WIZ: variants seen among roughly 807,000 people sequenced by gnomAD.
The protein encoded by WIZ is protein Wiz.
WIZ carries 25 observed loss-of-function variants against 140.2 expected under a neutral mutation model. The observed-to-expected ratio is 0.18, with a 90% CI of 0.13 to 0.25. The LOEUF (loss-of-function observed/expected upper bound fraction) is 0.25, where lower values mean the gene tolerates loss of function less well. Among genes scored for constraint, WIZ ranks in the 10% least tolerant of loss-of-function variants. The pLI, the probability that WIZ is intolerant of heterozygous loss-of-function variation, is 1.00. For missense variants in WIZ, 2,231 were observed against 2,632.6 expected (o/e 0.85, Z 3.34); for synonymous variants, 1,125 against 1,154.3 (o/e 0.97, Z 0.51).
rs111676428 is a variant in WIZ at position 15,433,696 on chromosome 19, A to G, written c.2741-2514T>C. Among the ~76,000 whole-genome samples the G allele has an allele frequency of 3.6e-3, 541 of 152,276 alleles. 2 individuals carry two copies. The highest frequency in any genetic ancestry group is 0.012 in the African/African-American group (513 of 41,546). Reference sequence around the variant, plus strand: ...GTCTCGCAGCCACCCCTGAGACACTACAAGCCAGACGTGGGTGAGCTGAGT... The same window carrying G: ...GTCTCGCAGCCACCCCTGAGACACTGCAAGCCAGACGTGGGTGAGCTGAGT... On this transcript the variant is annotated intron_variant, in intron 5 of 12. Coordinates refer to ENST00000673675, the MANE Select transcript of WIZ (RefSeq NM_001371589.1).
At chr19:15,432,807 C>T (rs1969357028) in intron 5 of WIZ, among the ~76,000 whole-genome samples, 1 of 151,700 alleles carries the variant, frequency 6.6e-6, no homozygotes, top group Non-Finnish European at 1.5e-5. Flanking sequence ...CGCCCCGCCC[C>T]TCAGGGCGCG....
In WIZ at chr19:15,422,989, GA is replaced by G. The variant is rs1478290175; in HGVS notation, c.*86del. 13 of 1,532,718 alleles carry G rather than the reference GA, an allele frequency of 8.5e-6. No individual in the cohort carries two copies. The East Asian group carries it at 2.8e-4, about 32-fold the overall frequency. 94.9% of individuals were successfully genotyped at this position (1,532,718 alleles called of 1,614,324 possible). ...GTTTTGGCTTGCTCCTTTGGAAACG[GA>G]AAGAAAGAGGAAGAGGGACAAGGAC... On this transcript the variant is annotated 3_prime_UTR_variant, in exon 13 of 13. Transcript: ENST00000673675.
In WIZ at chr19:15,442,589, C is replaced by G; in HGVS notation, c.278+87G>C. Reference sequence around the variant, plus strand: ...CCTCCTGATTCCCTCCTGTCCCCTTCTCATTCCCCAGGGGCTTATCTGAGG... The same window carrying G: ...CCTCCTGATTCCCTCCTGTCCCCTTGTCATTCCCCAGGGGCTTATCTGAGG... On this transcript the variant is annotated intron_variant, in intron 3 of 12. Transcript: ENST00000673675. This position sits in a 1 kb window ranked among gnomAD's most constrained non-coding sequence, Gnocchi z 5.5. 9.6e-7 allele frequency: 1 copy of G among 1,046,810 alleles called. No individual in the cohort carries two copies. The highest frequency in any genetic ancestry group is 1.2e-6 in the Non-Finnish European group (1 of 818,726). 64.8% of individuals were successfully genotyped at this position (1,046,810 alleles called of 1,614,324 possible). A position where few individuals can be genotyped will look rare whatever the true frequency, so the allele number is the denominator to read the frequency against.
Position 15,439,311 on chromosome 19 carries a change from G to T in WIZ, c.1683C>A (p.Phe561Leu), listed in dbSNP as rs569121760. ...CATGCAGGAGTGGCTTTGACAGCGG[G>T]AAATCTCTGATGCTCAGCTGCTGGC... ...PGCQQLSIRD[F>L]PLSKPLLHGT... Residue 561 changes from phenylalanine to leucine, a missense_variant, in exon 4 of 13, where the codon TTC becomes TTA. By Grantham distance (22) the Phe-to-Leu change is conservative (BLOSUM62 0). Coordinates refer to ENST00000673675, the MANE Select transcript of WIZ (RefSeq NM_001371589.1). The surrounding 1 kb of genome is among the most constrained non-coding windows in gnomAD (Gnocchi z 7.0). 6.5e-7 allele frequency: 1 copy of T among 1,535,674 alleles called. No homozygotes were observed. Among genetic ancestry groups the T allele is most frequent in the African/African-American group, 1.4e-5 (1 of 73,160 alleles).
At chr19:15,431,225 C>A in intron 5 of WIZ, 43 bp from the exon 6 acceptor site, 1 of 1,473,862 alleles carries the variant, frequency 6.8e-7, no homozygotes, top group South Asian at 1.3e-5. Context: ...AAATTTCAGG[C>A]TGTCTATACC....
chr19:15,426,957 T>C, intron 9 of WIZ, 25 bp downstream of exon 9: 5 of 1,583,242 alleles, frequency 3.2e-6, no homozygotes, highest in African/African-American at 1.3e-5. Flanking sequence ...CTGTTCTCCC[T>C]GCCCTACTGC....
intron 5 of WIZ, among the ~76,000 whole-genome samples, chr19:15,431,920 T>C (rs909547297): frequency 2.0e-5 from 3 of 152,202 alleles, no homozygotes; most frequent in African/African-American, 7.2e-5. Flanking sequence ...GGGAGGCCAG[T>C]TGAACTCCAA....
chr19:15,425,961 C>T (rs1215998140), intron 9 of WIZ, among the ~76,000 whole-genome samples, 193 bp from the exon 10 acceptor site: 2 of 150,448 alleles, frequency 1.3e-5, no homozygotes, highest in Non-Finnish European at 3.0e-5. Context: ...TCAAAGCCCC[C>T]GTATCAGTGC....
At chr19:15,432,387 G>A (rs1017505792) in intron 5 of WIZ, 11 of 973,666 alleles carry the variant, frequency 1.1e-5, no homozygotes, top group African/African-American at 1.8e-5. Flanking sequence ...CGGCAGGCGG[G>A]ATTCCGACCT....
Position 15,427,605 on chromosome 19 carries a change from G to C in WIZ, c.3815-72C>G. Reference sequence around the variant, plus strand: ...CATGGTCACCTGCAGGAGTGTCCTGGTCGGCTGGGCGTGGGCGGCAGCAGC... The same window carrying C: ...CATGGTCACCTGCAGGAGTGTCCTGCTCGGCTGGGCGTGGGCGGCAGCAGC... On this transcript the variant is annotated intron_variant, in intron 8 of 12. Coordinates refer to ENST00000673675, the MANE Select transcript of WIZ (RefSeq NM_001371589.1). This position sits in a 1 kb window ranked among gnomAD's most constrained non-coding sequence, Gnocchi z 6.4. 6.6e-7 allele frequency: 1 copy of C among 1,507,604 alleles called. No homozygotes were observed. The highest frequency in any genetic ancestry group is 8.9e-7 in the Non-Finnish European group (1 of 1,126,578). 93.4% of individuals were successfully genotyped at this position (1,507,604 alleles called of 1,614,324 possible).
chr19:15,430,800 G>A (rs967868965), intron 6 of WIZ, among the ~76,000 whole-genome samples: 3 of 152,212 alleles, frequency 2.0e-5, no homozygotes, highest in Admixed American at 6.5e-5. Flanking sequence ...GCTGTCCCTC[G>A]CCCCGTGAGG....
chr19:15,446,380 G>A (rs972523839), intron 2 of WIZ, among the ~76,000 whole-genome samples: 4 of 152,076 alleles, frequency 2.6e-5, no homozygotes, highest in African/African-American at 9.7e-5. Context: ...CAAAGTCCCC[G>A]CCCAGCCCTG....
Position 15,442,615 on chromosome 19 carries a change from C to T in WIZ, c.278+61G>A. ...TCATTCCCCAGGGGCTTATCTGAGG[C>T]CTGGGCATGTCCTGCTTGCCCCCCT... is the stretch of plus-strand genomic sequence containing the variant. On this transcript the variant is annotated intron_variant, in intron 3 of 12. Transcript: ENST00000673675. The surrounding 1 kb of genome is among the most constrained non-coding windows in gnomAD (Gnocchi z 5.5). 1 of 1,161,872 alleles carries T rather than the reference C, an allele frequency of 8.6e-7. No individual in the cohort carries two copies. The highest frequency in any genetic ancestry group is 1.1e-6 in the Non-Finnish European group (1 of 923,946). 72.0% of individuals were successfully genotyped at this position (1,161,872 alleles called of 1,614,324 possible).
chr19:15,430,378 T>A (rs1027571986), intron 6 of WIZ, among the ~76,000 whole-genome samples: 9 of 152,226 alleles, frequency 5.9e-5, no homozygotes, highest in African/African-American at 2.2e-4. Context: ...TCACAACCTT[T>A]CAGGCCTACG....
chr19:15,432,720 C>G (rs939425013), intron 5 of WIZ, among the ~76,000 whole-genome samples: 1 of 150,856 alleles, frequency 6.6e-6, no homozygotes, highest in Non-Finnish European at 1.5e-5. Flanking sequence ...CTCCGGCGCA[C>G]GCGGGGCGGC....
Position 15,425,669 on chromosome 19 carries a change from C to T in WIZ, c.4466G>A (p.Arg1489Gln). ...GLSSHARSHL[R>Q]QMGVTEWSVN... ...GGACCACTCGGTCACACCCATCTGCCGCAGGTGTGAGCGCGCGTGACTCGA... is the reference window on the plus strand; with the variant it reads ...GGACCACTCGGTCACACCCATCTGCTGCAGGTGTGAGCGCGCGTGACTCGA... The change falls in exon 10 of 13, where the codon CGG becomes CAG. Residue 1489 changes from arginine (R) to glutamine (Q), a missense_variant. By Grantham distance (43) the Arg-to-Gln change is conservative. Transcript: ENST00000673675. 2 of 1,613,480 alleles carry T rather than the reference C, an allele frequency of 1.2e-6. No individual in the cohort carries two copies. Among genetic ancestry groups the T allele is most frequent in the Non-Finnish European group, 1.7e-6 (2 of 1,179,930 alleles).
At position 15,421,279 on chromosome 19, in the gene WIZ, A is replaced by G. The variant is rs945470013; in HGVS notation, c.*1797T>C. 4 of 152,274 alleles carry G rather than the reference A, an allele frequency of 2.6e-5. No homozygotes were observed. The highest frequency in any genetic ancestry group is 9.6e-5 in the African/African-American group (4 of 41,466). The allele number at this position is 152,274 out of a possible 1,614,324, so 9.4% of individuals were successfully genotyped here. On this transcript the variant is annotated 3_prime_UTR_variant, in exon 13 of 13. Coordinates refer to ENST00000673675, the MANE Select transcript of WIZ (RefSeq NM_001371589.1). ...GAAGTGGTTGCGGCCTTCTGCCACC[A>G]GGCGAGATGTGCGTCCTGACCCCAC...
intron 2 of WIZ, among the ~76,000 whole-genome samples, chr19:15,447,242 C>A (rs890896652): frequency 1.3e-5 from 2 of 152,130 alleles, no homozygotes; most frequent in Non-Finnish European, 2.9e-5. Context: ...TCCTTGGACA[C>A]GTCAGGCTCC....
chr19:15,432,329 AG>A (rs1054711531), intron 5 of WIZ: 304 of 565,484 alleles, frequency 5.4e-4, no homozygotes, highest in African/African-American at 4.8e-3. Flanking sequence ...GGCCTGGGGG[AG>A]GGGGGGGTCC....
Sources: gnomAD v4.1 joint callset for allele counts (sites outside exome capture counted in the v4.1 genomes callset) on GRCh38, gnomAD v4.1.1 for gene constraint, Gnocchi (gnomAD v3.1) non-coding constraint, MANE v1.5 for transcripts, NCBI Gene and HGNC (gene_info 2026-07-23, HGNC 2026-07-21) for gene names.